DGKG: variants seen among roughly 807,000 people sequenced by gnomAD.
DGKG encodes DAG kinase gamma.
Under a neutral mutation model 105.3 loss-of-function variants are expected in DGKG, and 78 were observed. The observed-to-expected ratio is 0.74, with a 90% CI of 0.62 to 0.89. The LOEUF (loss-of-function observed/expected upper bound fraction) is 0.89, where lower values mean the gene tolerates loss of function less well. Among genes scored for constraint, DGKG ranks in the 40% least tolerant of loss-of-function variants. DGKG has a pLI of 0.00. For synonymous variants in DGKG, 346 were observed against 367.1 expected (o/e 0.94, Z 0.66); for missense variants, 958 against 1,020.1 (o/e 0.94, Z 0.83).
At chr3:186,178,541 T>A (rs1717202801) in intron 22 of DGKG, among the ~76,000 whole-genome samples, 2 of 152,188 alleles carry the variant, frequency 1.3e-5, no homozygotes, top group Non-Finnish European at 2.9e-5. Context: ...GAGGCAGGAA[T>A]TAAGTTGGAG....
At chr3:186,238,822 A>T (rs1720542478) in intron 20 of DGKG, among the ~76,000 whole-genome samples, 1 of 152,160 alleles carries the variant, frequency 6.6e-6, no homozygotes, top group Admixed American at 6.5e-5. Flanking sequence ...CAGAGAACAT[A>T]ACTTGGTTTT....
intron 3 of DGKG, among the ~76,000 whole-genome samples, chr3:186,305,069 A>T (rs771385760): frequency 1.3e-5 from 2 of 152,242 alleles, no homozygotes; most frequent in Non-Finnish European, 2.9e-5. Flanking sequence ...TGCCTGCTAT[A>T]AGCCAGATAC....
intron 1 of DGKG, among the ~76,000 whole-genome samples, chr3:186,336,093 GC>G (rs2108655959): frequency 6.6e-6 from 1 of 152,188 alleles, no homozygotes; most frequent in African/African-American, 2.4e-5. Context: ...TTCTTGGGCA[GC>G]CCACACCCAG....
chr3:186,256,703 C>T (rs1266271613), intron 17 of DGKG, among the ~76,000 whole-genome samples: 1 of 152,240 alleles, frequency 6.6e-6, no homozygotes, highest in Non-Finnish European at 1.5e-5. Context: ...CTCGAATCCA[C>T]TCTGCTTTGA....
intron 21 of DGKG, among the ~76,000 whole-genome samples, chr3:186,201,757 C>T (rs1718477884): frequency 6.6e-6 from 1 of 152,182 alleles, no homozygotes; most frequent in Admixed American, 6.5e-5. Context: ...GTGGAATTCC[C>T]TATACTTGGT....
intron 9 of DGKG, among the ~76,000 whole-genome samples, chr3:186,276,667 C>G (rs1371688388): frequency 1.3e-5 from 2 of 152,214 alleles, no homozygotes. Context: ...CACAGTGACA[C>G]CCACATCTCC....
rs77128006 is a variant in DGKG at position 186,255,961 on chromosome 3, C to T, written c.1510+1893G>A. Among the ~76,000 whole-genome samples, 414 of 152,324 alleles carry T rather than the reference C, an allele frequency of 2.7e-3. 1 individual carries two copies. The highest frequency in any genetic ancestry group is 9.3e-3 in the African/African-American group (385 of 41,564). On this transcript the variant is annotated intron_variant, in intron 17 of 24. Transcript: ENST00000265022. Reference sequence around the variant, plus strand: ...TGTTTCTTCCTCCTTCTGTGATCTTCCTTCTTTCTGTTTTGAGCAGCTTCT... The same window carrying T: ...TGTTTCTTCCTCCTTCTGTGATCTTTCTTCTTTCTGTTTTGAGCAGCTTCT...
chr3:186,200,477 C>T (rs1560091591), intron 21 of DGKG, among the ~76,000 whole-genome samples: 2 of 152,322 alleles, frequency 1.3e-5, no homozygotes, highest in African/African-American at 2.4e-5. Context: ...AAGTAGTGAG[C>T]TTCCTATCTT....
chr3:186,202,856 T>C (rs1487262749), intron 21 of DGKG, among the ~76,000 whole-genome samples: 1 of 152,194 alleles, frequency 6.6e-6, no homozygotes, highest in African/African-American at 2.4e-5. Flanking sequence ...TGTGAAAATG[T>C]AGGCATAAAA....
chr3:186,286,123 C>T (rs1197961620), intron 6 of DGKG, among the ~76,000 whole-genome samples: 2 of 152,170 alleles, frequency 1.3e-5, no homozygotes, highest in African/African-American at 2.4e-5. Context: ...ATCATTTCCT[C>T]CTAGATGTTT....
chr3:186,245,635 G>A (rs1720902587), intron 19 of DGKG, among the ~76,000 whole-genome samples: 1 of 152,234 alleles, frequency 6.6e-6, no homozygotes, highest in Non-Finnish European at 1.5e-5. Context: ...ATTTCTCACA[G>A]CCTTACTCTC....
At chr3:186,318,220 C>T (rs1162922689) in intron 2 of DGKG, among the ~76,000 whole-genome samples, 1 of 152,114 alleles carries the variant, frequency 6.6e-6, no homozygotes, top group East Asian at 1.9e-4. Flanking sequence ...GGCCCAAGAC[C>T]TCCTGCTATC....
intron 24 of DGKG, chr3:186,161,074 T>C: frequency 1.0e-6 from 1 of 986,746 alleles, no homozygotes; most frequent in Non-Finnish European, 1.2e-6. Flanking sequence ...TTCAAGTAGG[T>C]TATCAGGGCT....
At chr3:186,162,958 G>A (rs1716370920) in intron 23 of DGKG, among the ~76,000 whole-genome samples, 1 of 152,208 alleles carries the variant, frequency 6.6e-6, no homozygotes, top group African/African-American at 2.4e-5. Context: ...CAGAGGAGAG[G>A]TGAAAGTGTT....
rs906717359 is a variant in DGKG, at chr3:186,285,910, C to T, written c.545-1201G>A. 2.0e-5 allele frequency among the ~76,000 whole-genome samples: 3 copies of T among 152,240 alleles called. No individual in the cohort carries two copies. In the South Asian group the frequency reaches 6.2e-4, roughly 32 times the overall value. On this transcript the variant is annotated intron_variant, in intron 6 of 24. Coordinates refer to ENST00000265022, the MANE Select transcript of DGKG (RefSeq NM_001346.3). Reference sequence around the variant, plus strand: ...GTCAGGCTGGTCTCAAACTCCCGACCTCAGATGATCCGCCTGCCTCGGCCT... The same window carrying T: ...GTCAGGCTGGTCTCAAACTCCCGACTTCAGATGATCCGCCTGCCTCGGCCT...
At chr3:186,160,333 CT>C (rs200675330) in intron 24 of DGKG, 18 of 962,052 alleles carry the variant, frequency 1.9e-5, no homozygotes, top group African/African-American at 3.5e-5. Flanking sequence ...TTTCTTCCAC[CT>C]TTTTTTTTGT....
intron 19 of DGKG, among the ~76,000 whole-genome samples, chr3:186,247,344 A>G (rs1189277674): frequency 6.6e-6 from 1 of 152,182 alleles, no homozygotes; most frequent in Non-Finnish European, 1.5e-5. Context: ...TTCTACCCAC[A>G]GCACCCAAGG....
chr3:186,292,849 AT>A (rs1391721891), intron 5 of DGKG, among the ~76,000 whole-genome samples: 2 of 152,182 alleles, frequency 1.3e-5, no homozygotes, highest in African/African-American at 4.8e-5. Flanking sequence ...TATCTATACA[AT>A]ACAGTCTGAT....
intron 20 of DGKG, among the ~76,000 whole-genome samples, chr3:186,234,084 A>G (rs1720295232): frequency 6.6e-6 from 1 of 152,262 alleles, no homozygotes; most frequent in Admixed American, 6.5e-5. Flanking sequence ...GGCTCTGACC[A>G]GTAGAATTAA....
Sources: allele counts gnomAD v4.1 joint callset (sites outside exome capture counted in the v4.1 genomes callset), GRCh38; gene constraint gnomAD v4.1.1; transcripts MANE v1.5; gene names NCBI Gene and HGNC (gene_info 2026-07-23, HGNC 2026-07-21).